Variants in FGD5 observed in about 807,000 individuals in gnomAD.
FGD5 encodes FYVE, RhoGEF and PH domain-containing protein 5.
Under a neutral mutation model 133.4 loss-of-function variants are expected in FGD5, and 28 were observed. The observed-to-expected ratio is 0.21, with a 90% CI of 0.16 to 0.29. The LOEUF (loss-of-function observed/expected upper bound fraction) is 0.29, where lower values mean the gene tolerates loss of function less well. Among genes scored for constraint, FGD5 ranks in the 10% least tolerant of loss-of-function variants. The pLI is 1.00. For missense variants in FGD5, 1,858 were observed against 1,895.2 expected, an observed-to-expected ratio of 0.98 and a Z score of 0.36; for synonymous variants, 810 against 776.5, an observed-to-expected ratio of 1.04 and a Z score of -0.72.
chr3:14,854,981 T>C (rs999910577), intron 1 of FGD5, among the ~76,000 whole-genome samples: 1 of 152,204 alleles, frequency 6.6e-6, no homozygotes. Flanking sequence ...CTGTATCTTT[T>C]ATTCTTTTAC....
At chr3:14,879,874 A>G (rs193000430) in intron 2 of FGD5, among the ~76,000 whole-genome samples, 14 of 152,328 alleles carry the variant, frequency 9.2e-5, no homozygotes, top group Admixed American at 2.0e-4. Context: ...CAGCATGTAC[A>G]AAAGCAAGAG....
chr3:14,868,519 A>C (rs2037541110), intron 2 of FGD5, among the ~76,000 whole-genome samples: 1 of 152,254 alleles, frequency 6.6e-6, no homozygotes, highest in African/African-American at 2.4e-5. Context: ...CCATTGGACC[A>C]GTCCCCAGCT....
chr3:14,868,258 C>T (rs1455544566), intron 2 of FGD5, among the ~76,000 whole-genome samples: 5 of 152,082 alleles, frequency 3.3e-5, no homozygotes, highest in Non-Finnish European at 2.9e-5. Context: ...TAGCCAGCAG[C>T]CCCTCCCAGG....
At chr3:14,850,346 C>G (rs1212968977) in intron 1 of FGD5, among the ~76,000 whole-genome samples, 1 of 152,212 alleles carries the variant, frequency 6.6e-6, no homozygotes, top group African/African-American at 2.4e-5. Context: ...TTCTCCCTCT[C>G]CCACCCCTGG....
At chr3:14,845,186 T>C (rs1157598717) in intron 1 of FGD5, among the ~76,000 whole-genome samples, 1 of 152,172 alleles carries the variant, frequency 6.6e-6, no homozygotes, top group Non-Finnish European at 1.5e-5. Context: ...GCAGGTCCTT[T>C]CCATTGTAAA....
At chr3:14,824,319 G>A (rs553655055) in intron 1 of FGD5, among the ~76,000 whole-genome samples, 13 of 152,220 alleles carry the variant, frequency 8.5e-5, no homozygotes, top group Non-Finnish European at 1.9e-4. Flanking sequence ...CTGCTTGTTT[G>A]CCTGAATAGG....
intron 9 of FGD5, among the ~76,000 whole-genome samples, chr3:14,905,628 C>T (rs1342086672): frequency 1.3e-5 from 2 of 152,054 alleles, no homozygotes; most frequent in Non-Finnish European, 2.9e-5. Flanking sequence ...ATTGGACGCT[C>T]ACGTATGGTT....
At chr3:14,823,524 C>T (rs1272863163) in intron 1 of FGD5, among the ~76,000 whole-genome samples, 1 of 152,184 alleles carries the variant, frequency 6.6e-6, no homozygotes, top group African/African-American at 2.4e-5. Flanking sequence ...TGTAGAATCA[C>T]AGAGTTTTAT....
chr3:14,897,366 C>A, intron 4 of FGD5, 143 bp from the exon 5 acceptor site: 1 of 932,002 alleles, frequency 1.1e-6, no homozygotes, highest in Non-Finnish European at 1.6e-6. Flanking sequence ...GTAGGTGAGA[C>A]TGTTGGGTCT....
intron 4 of FGD5, among the ~76,000 whole-genome samples, chr3:14,895,436 T>C (rs2038117627): frequency 6.6e-6 from 1 of 152,248 alleles, no homozygotes; most frequent in Admixed American, 6.5e-5. Flanking sequence ...TATTTAGTTT[T>C]CCGAGCACCA....
At chr3:14,913,070 C>A (rs2038482662) in intron 11 of FGD5, among the ~76,000 whole-genome samples, 1 of 152,028 alleles carries the variant, frequency 6.6e-6, no homozygotes, top group Admixed American at 6.6e-5. Context: ...TGAGAGAAAT[C>A]CCCAAATGTA....
At chr3:14,851,008 G>A (rs1032225084) in intron 1 of FGD5, among the ~76,000 whole-genome samples, 9 of 152,154 alleles carry the variant, frequency 5.9e-5, no homozygotes, top group African/African-American at 1.7e-4. Flanking sequence ...AAGCCACAGC[G>A]CGTCGTGGTG....
intron 1 of FGD5, among the ~76,000 whole-genome samples, chr3:14,832,766 G>A (rs997451694): frequency 1.3e-5 from 2 of 152,102 alleles, no homozygotes; most frequent in Non-Finnish European, 2.9e-5. Context: ...AGTAGAGTAC[G>A]AAACTTCAGG....
intron 9 of FGD5, 151 bp from the exon 10 acceptor site, chr3:14,907,489 A>C: frequency 1.5e-6 from 1 of 647,126 alleles, no homozygotes. Context: ...CTCGGATCCC[A>C]GTCCTGCCTT....
intron 9 of FGD5, among the ~76,000 whole-genome samples, chr3:14,904,240 G>A (rs1274667311): frequency 1.3e-5 from 2 of 152,140 alleles, no homozygotes; most frequent in African/African-American, 4.8e-5. Context: ...TTAGGAGCGG[G>A]GGGTTATGCT....
intron 4 of FGD5, chr3:14,882,423 C>A: frequency 1.2e-6 from 1 of 866,506 alleles, no homozygotes; most frequent in African/African-American, 1.8e-5. Flanking sequence ...TCAGGCCAGG[C>A]GCGATGGCTC....
At position 14,900,460 on chromosome 3, in the gene FGD5, C is replaced by G. The variant is rs1290569572; in HGVS notation, c.3205+7C>G. On this transcript the variant is annotated splice_region_variant and intron_variant, in intron 8 of 19. Coordinates refer to ENST00000285046, the MANE Select transcript of FGD5 (RefSeq NM_152536.4). ...GAGTACGACAACACACAGGGTGAGT[C>G]CAGCGTGAATGCGGAGGGAGGTACT... is the stretch of plus-strand genomic sequence containing the variant. 4 of 1,612,816 alleles carry G rather than the reference C, an allele frequency of 2.5e-6. No homozygotes were observed. The highest frequency in any genetic ancestry group is 3.4e-6 in the Non-Finnish European group (4 of 1,179,508).
chr3:14,818,908 A>G (rs2036424959), upstream of FGD5: 23 of 1,427,504 alleles, frequency 1.6e-5, no homozygotes, highest in South Asian at 3.2e-4. Flanking sequence ...CTGAATGGCA[A>G]TAAAGTTAAT....
At position 14,910,849 on chromosome 3, in the gene FGD5, C is replaced by A. The variant is rs1370136798; in HGVS notation, c.3337-12C>A. On this transcript the variant is annotated splice_polypyrimidine_tract_variant and intron_variant, in intron 10 of 19. Transcript: ENST00000285046. Reference sequence around the variant, plus strand: ...TCAGCCTGACCGCCAAGTTCTGCTTCTCTCCCCACAGGAGTTTCTGAAGGA... The same window carrying A: ...TCAGCCTGACCGCCAAGTTCTGCTTATCTCCCCACAGGAGTTTCTGAAGGA... The A allele has an allele frequency of 7.4e-6, 12 of 1,612,284 alleles. No individual in the cohort carries two copies. Among genetic ancestry groups the A allele is most frequent in the Non-Finnish European group, 1.0e-5 (12 of 1,179,232 alleles).
Sources: gnomAD v4.1 joint callset for allele counts (sites outside exome capture counted in the v4.1 genomes callset) on GRCh38, gnomAD v4.1.1 for gene constraint, MANE v1.5 for transcripts, NCBI Gene and HGNC (gene_info 2026-07-23, HGNC 2026-07-21) for gene names.